The following RRM2 variants were observed in gnomAD, a reference collection of about 807,000 sequenced individuals.
The protein encoded by RRM2 is ribonucleoside-diphosphate reductase subunit M2.
Under a neutral mutation model 45.9 loss-of-function variants are expected in RRM2, and 6 were observed. The ratio of observed to expected loss-of-function variants is 0.13; its 90% CI spans 0.07 to 0.26. The LOEUF (loss-of-function observed/expected upper bound fraction) is 0.26. Among genes scored for constraint, RRM2 ranks in the 10% least tolerant of loss-of-function variants. RRM2 has a pLI of 1.00. For missense variants in RRM2, 343 were observed against 489.5 expected (o/e 0.70, Z 2.82); for synonymous variants, 177 against 173.0 (o/e 1.02, Z -0.18).
intron 3 of RRM2, among the ~76,000 whole-genome samples, chr2:10,178,116 C>A (rs573937921): frequency 6.6e-6 from 1 of 151,572 alleles, no homozygotes; most frequent in African/African-American, 2.4e-5. Flanking sequence ...GTAGTAGAGA[C>A]GGGGTTTCAC....
upstream of RRM2, among the ~76,000 whole-genome samples, chr2:10,138,008 GTTTTGT>G (rs201521674): frequency 1.1e-3 from 164 of 152,144 alleles, no homozygotes; most frequent in East Asian, 0.02. Flanking sequence ...TCTTTGTTTT[GTTTTGT>G]TTTTGAGATG....
At chr2:10,190,814 T>C (rs1664287582) in intron 3 of RRM2, among the ~76,000 whole-genome samples, 1 of 148,580 alleles carries the variant, frequency 6.7e-6, no homozygotes, top group African/African-American at 2.5e-5. Flanking sequence ...TGGTGATGAG[T>C]GTGATGATAA....
rs778804298 is a variant in RRM2, at chr2:10,127,145, G to A, written c.723G>A (p.Ala241=). The A allele has an allele frequency of 3.1e-6, 5 of 1,614,074 alleles. No individual in the cohort carries two copies. The highest frequency in any genetic ancestry group is 1.7e-5 in the Admixed American group (1 of 60,012). Reference sequence around the variant, plus strand: ...GCATTTTCTTTTCCGGTTCTTTTGCGTCGATATTCTGGCTCAAGAAACGAG... The same window carrying A: ...GCATTTTCTTTTCCGGTTCTTTTGCATCGATATTCTGGCTCAAGAAACGAG... ...VEGIFFSGSF[A]SIFWLKKRGL... Residue 241 remains alanine, a synonymous_variant, in exon 7 of 10, where the codon GCG becomes GCA. Transcript: ENST00000304567. The surrounding 1 kb of genome is among the most constrained non-coding windows in gnomAD (Gnocchi z 4.1).
chr2:10,184,915 C>G (rs932544726), intron 3 of RRM2, among the ~76,000 whole-genome samples: 2 of 152,196 alleles, frequency 1.3e-5, no homozygotes, highest in African/African-American at 4.8e-5. Flanking sequence ...TTTAGAAGAG[C>G]ACAGGTCTGA....
In RRM2 at chr2:10,195,026, C is replaced by A. The variant is rs544094167; in HGVS notation, n.483-15285C>A. Reference sequence around the variant, plus strand: ...CCAAGGCCTGTGAGGCACGTGACCACCAAAACCCTCACGAGGCCATGTGGT... The same window carrying A: ...CCAAGGCCTGTGAGGCACGTGACCAACAAAACCCTCACGAGGCCATGTGGT... On this transcript the variant is annotated intron_variant and non_coding_transcript_variant, in intron 3 of 3. Coordinates refer to the RRM2 transcript ENST00000381786. This position sits in a 1 kb window ranked among gnomAD's most constrained non-coding sequence, Gnocchi z 4.9. Among the ~76,000 whole-genome samples the A allele has an allele frequency of 7.9e-5, 12 of 152,338 alleles. No homozygotes were observed. Among genetic ancestry groups the A allele is most frequent in the African/African-American group, 2.9e-4 (12 of 41,584 alleles).
chr2:10,160,263 T>C (rs7593918), intron 3 of RRM2, among the ~76,000 whole-genome samples: 73,698 of 152,000 alleles, frequency 0.48, 19,693 homozygotes, highest in East Asian at 0.86. Context: ...GCATTTTGTA[T>C]CAAATCCAAA....
chr2:10,196,028 G>A (rs1440578590), intron 3 of RRM2, among the ~76,000 whole-genome samples: 1 of 152,206 alleles, frequency 6.6e-6, no homozygotes, highest in Non-Finnish European at 1.5e-5. Flanking sequence ...ACCTGCCACT[G>A]TGGGGTGGCC....
At chr2:10,181,301 G>T (rs1193763062) in intron 3 of RRM2, among the ~76,000 whole-genome samples, 2 of 145,086 alleles carry the variant, frequency 1.4e-5, no homozygotes, top group African/African-American at 5.2e-5. Context: ...ATTGCAATTT[G>T]CCTGCAGGAT....
chr2:10,161,680 TCACACACA>T (rs59307518), intron 3 of RRM2, among the ~76,000 whole-genome samples: 1 of 149,794 alleles, frequency 6.7e-6, no homozygotes, highest in African/African-American at 2.4e-5. Context: ...ACACACACAT[TCACACACA>T]CACACACACA....
Position 10,172,882 on chromosome 2 carries a change from G to A in RRM2, n.482+30507G>A, listed in dbSNP as rs1251555320. Among the ~76,000 whole-genome samples the A allele has an allele frequency of 6.6e-6, 1 of 152,198 alleles. No individual in the cohort carries two copies. Among genetic ancestry groups the A allele is most frequent in the Non-Finnish European group, 1.5e-5 (1 of 68,036 alleles). ...GGTGTGACCACACGGATCCCATACC[G>A]GTGATGCCAACCCCCTGAGTCCCGG... On this transcript the variant is annotated intron_variant and non_coding_transcript_variant, in intron 3 of 3. Transcript: ENST00000381786. The surrounding 1 kb of genome is among the most constrained non-coding windows in gnomAD (Gnocchi z 4.9).
At chr2:10,155,086 A>T (rs1332056780) in intron 3 of RRM2, 1 of 224,656 alleles carries the variant, frequency 4.5e-6, no homozygotes, top group Non-Finnish European at 8.9e-6. Context: ...GTTGCTTCCA[A>T]CTGAATTGGC....
Position 10,195,120 on chromosome 2 carries a change from G to C in RRM2, n.483-15191G>C, listed in dbSNP as rs779647993. 2.0e-5 allele frequency among the ~76,000 whole-genome samples: 3 copies of C among 152,204 alleles called. No homozygotes were observed. The highest frequency in any genetic ancestry group is 4.4e-5 in the Non-Finnish European group (3 of 68,030). On this transcript the variant is annotated intron_variant and non_coding_transcript_variant, in intron 3 of 3. Transcript: ENST00000381786. This position sits in a 1 kb window ranked among gnomAD's most constrained non-coding sequence, Gnocchi z 4.9. ...CTTGGAAAAGGCACTTAGCAGGGTG[G>C]TGAGGGCCACAGGTGTGGTCTGAGC...
chr2:10,210,676 G>A, exon 4 of RRM2: 1 of 1,269,218 alleles, frequency 7.9e-7, no homozygotes, highest in South Asian at 1.3e-5. Flanking sequence ...AAAGCCTGCA[G>A]GCCAGGGAGG....
At chr2:10,162,478 G>A (rs948924583) in intron 3 of RRM2, among the ~76,000 whole-genome samples, 2 of 152,034 alleles carry the variant, frequency 1.3e-5, no homozygotes, top group Non-Finnish European at 2.9e-5. Flanking sequence ...TGGAGATAGA[G>A]AACCCCTTCC....
At chr2:10,148,143 C>CAAAAAA (rs374826185) in intron 3 of RRM2, among the ~76,000 whole-genome samples, 66 of 119,562 alleles carry the variant, frequency 5.5e-4, no homozygotes, top group Middle Eastern at 4.5e-3. Context: ...GACCCTGACT[C>CAAAAAA]AAAAAAAAAA....
At chr2:10,150,771 G>GTT (rs61292654) in intron 3 of RRM2, among the ~76,000 whole-genome samples, 2,411 of 92,810 alleles carry the variant, frequency 0.026, 80 homozygotes, top group African/African-American at 0.05. Flanking sequence ...AGTGTGTTGT[G>GTT]TTTTTTTTTT....
chr2:10,157,560 G>A (rs1663460746), intron 3 of RRM2, among the ~76,000 whole-genome samples: 1 of 152,200 alleles, frequency 6.6e-6, no homozygotes, highest in African/African-American at 2.4e-5. Flanking sequence ...GCTGCTCGGT[G>A]TGGTACTTTA....
In RRM2 at chr2:10,129,636, T is replaced by A. The variant is rs1396354023; in HGVS notation, c.*250T>A. The stretch of plus-strand genomic sequence containing the variant: ...GACAATGGCAGTCTTGGCTTTAAAG[T>A]GAGGGGTGACCCTTTAGTGAGCTTA... On this transcript the variant is annotated 3_prime_UTR_variant, in exon 10 of 10. Coordinates refer to ENST00000304567, the MANE Select transcript of RRM2 (RefSeq NM_001034.4). The surrounding 1 kb of genome is among the most constrained non-coding windows in gnomAD (Gnocchi z 4.8). The A allele has an allele frequency of 2.0e-6, 1 of 496,248 alleles. No homozygotes were observed. Among genetic ancestry groups the A allele is most frequent in the Non-Finnish European group, 3.6e-6 (1 of 281,222 alleles). The allele number at this position is 496,248 out of a possible 1,614,324, so 30.7% of individuals were successfully genotyped here. A position where few individuals can be genotyped will look rare whatever the true frequency, so the allele number is the denominator to read the frequency against.
rs1664502700 is a variant in RRM2 at position 10,199,788 on chromosome 2, A to ACAAAAC, written n.483-10523_483-10522insCAAAAC. On this transcript the variant is annotated intron_variant and non_coding_transcript_variant, in intron 3 of 3. Coordinates refer to the RRM2 transcript ENST00000381786. ...GAGTGAGACTCAGTCTCAAAAAAAA[A>ACAAAAC]AAAAAAAAAAAAAAAAAAAAACAAA... Among the ~76,000 whole-genome samples, 48 of 140,954 alleles carry ACAAAAC rather than the reference A, an allele frequency of 3.4e-4. 1 individual carries two copies. The highest frequency in any genetic ancestry group is 1.2e-3 in the African/African-American group (45 of 36,360). The allele number at this position is 140,954 out of a possible 152,430, so 92.5% of individuals were successfully genotyped here.
Sources: allele counts gnomAD v4.1 joint callset (sites outside exome capture counted in the v4.1 genomes callset), GRCh38; gene constraint gnomAD v4.1.1; non-coding constraint Gnocchi (gnomAD v3.1); transcripts MANE v1.5; gene names NCBI Gene and HGNC (gene_info 2026-07-23, HGNC 2026-07-21).